The following TCEAL7 variants were observed in gnomAD, a reference collection of about 807,000 sequenced individuals.
The protein encoded by TCEAL7 is transcription elongation factor A protein-like 7.
For synonymous variants in TCEAL7, 22 were observed against 25.5 expected, an observed-to-expected ratio of 0.86 and a Z score of 0.42; for missense variants, 63 against 77.9, an observed-to-expected ratio of 0.81 and a Z score of 0.72.
At position 103,331,815 on chromosome X, in the gene TCEAL7, G is replaced by A; in HGVS notation, c.*109G>A. The stretch of plus-strand genomic sequence containing the variant: ...TGCTATCGTTTTACTCCAGTCATTC[G>A]ATGTTGCTGAGATTTACATATGACT... On this transcript the variant is annotated 3_prime_UTR_variant, in exon 3 of 3. Transcript: ENST00000332431. 9.8e-6 allele frequency: 6 copies of A among 614,252 alleles called. No homozygotes were observed. Among genetic ancestry groups the A allele is most frequent in the Middle Eastern group, 5.4e-4 (1 of 1,846 alleles). 50.6% of individuals were successfully genotyped at this position (614,252 alleles called of 1,213,427 possible).
rs1374753828 is a variant in TCEAL7, at chrX:103,331,881, A to G, written c.*175A>G. Reference sequence around the variant, plus strand: ...TCTTTTGACCCAATCTTATTCATTTAATAAGAGGTCTCATTCATTTGCATG... The same window carrying G: ...TCTTTTGACCCAATCTTATTCATTTGATAAGAGGTCTCATTCATTTGCATG... On this transcript the variant is annotated 3_prime_UTR_variant, in exon 3 of 3. Transcript: ENST00000332431. 2.3e-6 allele frequency: 1 copy of G among 436,221 alleles called. No homozygotes were observed. Among genetic ancestry groups the G allele is most frequent in the African/African-American group, 2.5e-5 (1 of 40,487 alleles). The allele number at this position is 436,221 out of a possible 1,213,427, so 35.9% of individuals were successfully genotyped here.
rs1235066791 is a variant in TCEAL7, at chrX:103,331,788, T to C, written c.*82T>C. 5.1e-6 allele frequency: 4 copies of C among 790,946 alleles called. No individual in the cohort carries two copies. The African/African-American group carries it at 6.3e-5, about 12-fold the overall frequency. 65.2% of individuals were successfully genotyped at this position (790,946 alleles called of 1,213,427 possible). A position where few individuals can be genotyped will look rare whatever the true frequency, so the allele number is the denominator to read the frequency against. ...TTTGTCTGCACTTTCTTGATAAATA[T>C]TTGCTATCGTTTTACTCCAGTCATT... On this transcript the variant is annotated 3_prime_UTR_variant, in exon 3 of 3. Transcript: ENST00000332431.
chrX:103,331,905 T>C lies in TCEAL7; in HGVS notation c.*199T>C. 2.4e-6 allele frequency: 1 copy of C among 416,235 alleles called. No homozygotes were observed. Among genetic ancestry groups the C allele is most frequent in the Admixed American group, 4.6e-5 (1 of 21,646 alleles). The allele number at this position is 416,235 out of a possible 1,213,427, so 34.3% of individuals were successfully genotyped here. A position where few individuals can be genotyped will look rare whatever the true frequency, so the allele number is the denominator to read the frequency against. The stretch of plus-strand genomic sequence containing the variant: ...TAATAAGAGGTCTCATTCATTTGCA[T>C]GGAAAAATGCTCATTGTATATTGCA... On this transcript the variant is annotated 3_prime_UTR_variant, in exon 3 of 3. Transcript: ENST00000332431.
chrX:103,330,861 G>A (rs1019543396), intron 1 of TCEAL7, 62 bp from the exon 2 acceptor site: 3 of 111,056 alleles, frequency 2.7e-5, no homozygotes, highest in Admixed American at 9.6e-5. Flanking sequence ...AATCCGGGGG[G>A]CGATGACGGT....
rs763812401 is a variant in TCEAL7, at chrX:103,332,076, ATC to A, written c.*374_*375del. ...AAGGTTAACAGTGAATCTCTGTGTG[ATC>A]TCTTTTTTTTTCTTTTTGCCTATCT... On this transcript the variant is annotated 3_prime_UTR_variant, in exon 3 of 3. Transcript: ENST00000332431. 1 of 136,997 alleles carries A rather than the reference ATC, an allele frequency of 7.3e-6. No homozygotes were observed. The highest frequency in any genetic ancestry group is 2.3e-4 in the East Asian group (1 of 4,305). The allele number at this position is 136,997 out of a possible 1,213,427, so 11.3% of individuals were successfully genotyped here.
Position 103,331,360 on chromosome X carries a change from T to G in TCEAL7, c.-27-17T>G. ...TCAAAAGTAATGAAGCAATTTGTCT[T>G]TACATTTTCTCCCTAGAGTTAAGCA... On this transcript the variant is annotated splice_polypyrimidine_tract_variant and intron_variant, in intron 2 of 2. Coordinates refer to ENST00000332431, the MANE Select transcript of TCEAL7 (RefSeq NM_152278.5). The G allele has an allele frequency of 9.0e-7, 1 of 1,111,145 alleles. No homozygotes were observed. The highest frequency in any genetic ancestry group is 1.2e-6 in the Non-Finnish European group (1 of 842,230). 91.6% of individuals were successfully genotyped at this position (1,111,145 alleles called of 1,213,427 possible).
chrX:103,331,567 G>A lies in TCEAL7; in HGVS notation c.164G>A (p.Arg55Lys), dbSNP rs1427432703. 8.3e-7 allele frequency: 1 copy of A among 1,209,573 alleles called. No individual in the cohort carries two copies. Among genetic ancestry groups the A allele is most frequent in the South Asian group, 1.8e-5 (1 of 56,869 alleles). ...LEEFKEDIDY[R>K]HFKDEEMTRE... ...GAATTTAAAGAGGACATAGACTATA[G>A]GCATTTTAAAGATGAAGAAATGACA... Residue 55 changes from arginine (R) to lysine (K), a missense_variant, in exon 3 of 3, where the codon AGG becomes AAG. By Grantham distance (26) the Arg-to-Lys change is conservative. Transcript: ENST00000332431.
At position 103,331,424 on chromosome X, in the gene TCEAL7, A is replaced by C; in HGVS notation, c.21A>C (p.Glu7Asp). The C allele has an allele frequency of 8.4e-7, 1 of 1,183,712 alleles. No homozygotes were observed. Among genetic ancestry groups the C allele is most frequent in the South Asian group, 1.9e-5 (1 of 53,745 alleles). The change falls in exon 3 of 3, where the codon GAA (glutamate) becomes GAC (aspartate). Residue 7 changes from glutamate (E) to aspartate (D), a missense_variant. By Grantham distance (45) the Glu-to-Asp change is conservative (BLOSUM62 2). Coordinates refer to ENST00000332431, the MANE Select transcript of TCEAL7 (RefSeq NM_152278.5). MQKPCK[E>D]NEGKPKCSVP... is the part of the protein sequence containing the mutation. ...ACATCATGCAAAAACCCTGCAAAGAAAACGAAGGAAAGCCAAAGTGCAGCG... is the reference window on the plus strand; with the variant it reads ...ACATCATGCAAAAACCCTGCAAAGACAACGAAGGAAAGCCAAAGTGCAGCG...
chrX:103,331,825 A>G lies in TCEAL7; in HGVS notation c.*119A>G, dbSNP rs752284646. The G allele has an allele frequency of 1.8e-6, 1 of 552,383 alleles. No homozygotes were observed. Among genetic ancestry groups the G allele is most frequent in the East Asian group, 3.5e-5 (1 of 28,307 alleles). 45.5% of individuals were successfully genotyped at this position (552,383 alleles called of 1,213,427 possible). ...TTACTCCAGTCATTCGATGTTGCTG[A>G]GATTTACATATGACTCTTGTCAACA... On this transcript the variant is annotated 3_prime_UTR_variant, in exon 3 of 3. Transcript: ENST00000332431.
In TCEAL7 at chrX:103,332,019, C is replaced by A; in HGVS notation, c.*313C>A. 1 of 180,386 alleles carries A rather than the reference C, an allele frequency of 5.5e-6. No individual in the cohort carries two copies. Among genetic ancestry groups the A allele is most frequent in the Non-Finnish European group, 1.1e-5 (1 of 90,170 alleles). 14.9% of individuals were successfully genotyped at this position (180,386 alleles called of 1,213,427 possible). The stretch of plus-strand genomic sequence containing the variant: ...TTGTACATTTCTATGTGACATAATG[C>A]AAAGGAAAGTGTCTGATTTTATTAT... On this transcript the variant is annotated 3_prime_UTR_variant, in exon 3 of 3. Transcript: ENST00000332431.
At position 103,331,436 on chromosome X, in the gene TCEAL7, G is replaced by A. The variant is rs752390246; in HGVS notation, c.33G>A (p.Lys11=). 18 of 1,185,805 alleles carry A rather than the reference G, an allele frequency of 1.5e-5. No individual in the cohort carries two copies. The African/African-American group carries it at 3.2e-4, about 21-fold the overall frequency. Residue 11 remains lysine (K), a synonymous_variant, in exon 3 of 3, where the codon AAG becomes AAA. Transcript: ENST00000332431. MQKPCKENEG[K]PKCSVPKREE... is the part of the protein sequence containing the mutation. ...AACCCTGCAAAGAAAACGAAGGAAA[G>A]CCAAAGTGCAGCGTGCCAAAGAGGG...
At chrX:103,331,084 G>A (rs1423579804) in intron 2 of TCEAL7, 44 bp downstream of exon 2, 1 of 224,350 alleles carries the variant, frequency 4.5e-6, no homozygotes, top group African/African-American at 2.9e-5. Flanking sequence ...CTGAGGATAG[G>A]AGTCGGGAAG....
Position 103,331,386 on chromosome X carries a change from G to A in TCEAL7, c.-18G>A, listed in dbSNP as rs762436147. 1.1e-5 allele frequency: 13 copies of A among 1,150,968 alleles called. No individual in the cohort carries two copies. In the South Asian group the frequency reaches 2.4e-4, roughly 21 times the overall value. 94.9% of individuals were successfully genotyped at this position (1,150,968 alleles called of 1,213,427 possible). ...TACATTTTCTCCCTAGAGTTAAGCA[G>A]GAAACAACAACAACATCATGCAAAA... On this transcript the variant is annotated 5_prime_UTR_variant, in exon 3 of 3. Coordinates refer to ENST00000332431, the MANE Select transcript of TCEAL7 (RefSeq NM_152278.5).
chrX:103,330,652 A>G (rs1402123210), intron 1 of TCEAL7, among the ~76,000 whole-genome samples: 1 of 110,905 alleles, frequency 9.0e-6, no homozygotes, highest in Non-Finnish European at 1.9e-5. Context: ...CGGGATGGAG[A>G]CAACAGAAAT....
Position 103,332,272 on chromosome X carries a change from C to T in TCEAL7, c.*566C>T, listed in dbSNP as rs1044947802. 1.6e-5 allele frequency: 2 copies of T among 123,659 alleles called. No homozygotes were observed. The highest frequency in any genetic ancestry group is 6.5e-5 in the African/African-American group (2 of 30,845). 10.2% of individuals were successfully genotyped at this position (123,659 alleles called of 1,213,427 possible). A position where few individuals can be genotyped will look rare whatever the true frequency, so the allele number is the denominator to read the frequency against. ...AAGCGTAAAAATGAAATGTAAACCTCCAATTACCTCTGGATCTCTTAGCCA... is the reference window on the plus strand; with the variant it reads ...AAGCGTAAAAATGAAATGTAAACCTTCAATTACCTCTGGATCTCTTAGCCA... On this transcript the variant is annotated 3_prime_UTR_variant, in exon 3 of 3. Transcript: ENST00000332431.
chrX:103,330,465 G>C (rs990960370), intron 1 of TCEAL7, among the ~76,000 whole-genome samples, 161 bp downstream of exon 1: 1 of 111,340 alleles, frequency 9.0e-6, no homozygotes, highest in Non-Finnish European at 1.9e-5. Flanking sequence ...GGAAGCAAGG[G>C]GGTAGGTCGA....
intron 1 of TCEAL7, 23 bp downstream of exon 1, chrX:103,330,327 G>A (rs749797053): frequency 8.9e-6 from 1 of 111,755 alleles, no homozygotes; most frequent in South Asian, 3.8e-4. Flanking sequence ...AATCCCAGCA[G>A]GTTGGAGTGA....
chrX:103,331,904 A>G lies in TCEAL7; in HGVS notation c.*198A>G. 1 of 416,993 alleles carries G rather than the reference A, an allele frequency of 2.4e-6. No individual in the cohort carries two copies. The highest frequency in any genetic ancestry group is 4.2e-6 in the Non-Finnish European group (1 of 238,300). 34.4% of individuals were successfully genotyped at this position (416,993 alleles called of 1,213,427 possible). ...TTAATAAGAGGTCTCATTCATTTGC[A>G]TGGAAAAATGCTCATTGTATATTGC... On this transcript the variant is annotated 3_prime_UTR_variant, in exon 3 of 3. Transcript: ENST00000332431.
At chrX:103,330,697 A>G (rs1054595698) in intron 1 of TCEAL7, among the ~76,000 whole-genome samples, 1 of 109,497 alleles carries the variant, frequency 9.1e-6, no homozygotes, top group Non-Finnish European at 1.9e-5. Flanking sequence ...ACCTCACTCA[A>G]TGCCGGCCTG....
Sources: gnomAD v4.1 joint callset for allele counts (sites outside exome capture counted in the v4.1 genomes callset) on GRCh38, gnomAD v4.1.1 for gene constraint, MANE v1.5 for transcripts, NCBI Gene and HGNC (gene_info 2026-07-23, HGNC 2026-07-21) for gene names.